The following AP1AR variants were observed in gnomAD, a reference collection of about 807,000 sequenced individuals.
AP1AR encodes adaptor related protein complex 1 associated regulatory protein.
In AP1AR, 29 loss-of-function variants were observed where a neutral mutation model predicts 46.3. The ratio of observed to expected loss-of-function variants is 0.63; its 90% confidence interval spans 0.47 to 0.85. The LOEUF is 0.85. Among genes scored for constraint, AP1AR ranks in the 40% least tolerant of loss-of-function variants. AP1AR has a pLI of 0.00. For synonymous variants in AP1AR, 122 were observed against 122.9 expected (o/e 0.99, Z 0.05); for missense variants, 357 against 356.3 (o/e 1.00, Z -0.02).
intron 1 of AP1AR, among the ~76,000 whole-genome samples, chr4:112,235,059 C>T (rs904219437): frequency 6.6e-6 from 1 of 152,074 alleles, no homozygotes. Context: ...TCAGTGTTGA[C>T]GTATGTTGGA....
chr4:112,267,823 G>A (rs888231408), intron 9 of AP1AR, among the ~76,000 whole-genome samples: 1 of 151,892 alleles, frequency 6.6e-6, no homozygotes, highest in African/African-American at 2.4e-5. Context: ...ATACTAACTT[G>A]GCTATATGAG....
chr4:112,257,820 A>C (rs762754162), intron 4 of AP1AR, 23 bp downstream of exon 4: 5 of 1,544,864 alleles, frequency 3.2e-6, no homozygotes, highest in Non-Finnish European at 4.3e-6. Context: ...TAAAAAAAAA[A>C]AACAAAACTT....
At chr4:112,265,671 T>C (rs1052459694) in intron 7 of AP1AR, 63 bp from the exon 8 acceptor site, 11 of 1,213,010 alleles carry the variant, frequency 9.1e-6, no homozygotes, top group Non-Finnish European at 1.3e-5. Flanking sequence ...ATCATTAGCT[T>C]ATATATTTGT....
chr4:112,240,676 G>A (rs901588795), intron 1 of AP1AR, among the ~76,000 whole-genome samples: 4 of 152,110 alleles, frequency 2.6e-5, no homozygotes, highest in Non-Finnish European at 4.4e-5. Flanking sequence ...CTGCTTGGAG[G>A]CCTGGCTCAT....
intron 4 of AP1AR, 131 bp from the exon 5 acceptor site, chr4:112,260,635 G>T: frequency 1.8e-6 from 1 of 551,658 alleles, no homozygotes; most frequent in South Asian, 3.3e-5. Context: ...AATTGAAGTT[G>T]TAGCAAATTG....
chr4:112,255,768 T>C (rs1267827573), intron 3 of AP1AR, among the ~76,000 whole-genome samples: 1 of 152,262 alleles, frequency 6.6e-6, no homozygotes, highest in Non-Finnish European at 1.5e-5. Context: ...GAGTGCATTT[T>C]AGAATCAGCA....
intron 4 of AP1AR, 44 bp from the exon 5 acceptor site, chr4:112,260,722 A>T: frequency 7.7e-7 from 1 of 1,304,362 alleles, no homozygotes; most frequent in Non-Finnish European, 1.1e-6. Flanking sequence ...GACTCATCAG[A>T]AGTTTTTGTT....
rs150824995 is a variant in AP1AR at position 112,254,281 on chromosome 4, T to G, written c.133-466T>G. Reference sequence around the variant, plus strand: ...ATAGTAACTACCACTTAGTAGATTTTCAGTAAATAACTATATGAATGAATA... The same window carrying G: ...ATAGTAACTACCACTTAGTAGATTTGCAGTAAATAACTATATGAATGAATA... On this transcript the variant is annotated intron_variant, in intron 2 of 9. Coordinates refer to ENST00000274000, the MANE Select transcript of AP1AR (RefSeq NM_018569.6). Among the ~76,000 whole-genome samples the G allele has an allele frequency of 2.4e-3, 358 of 152,336 alleles. 2 individuals are homozygous for G. The highest frequency in any genetic ancestry group is 8.3e-3 in the African/African-American group (344 of 41,584).
intron 6 of AP1AR, among the ~76,000 whole-genome samples, chr4:112,264,658 G>T (rs1676885743): frequency 6.6e-6 from 1 of 151,986 alleles, no homozygotes; most frequent in Non-Finnish European, 1.5e-5. Flanking sequence ...TTCATGTATT[G>T]TTTTAACTAT....
At position 112,268,397 on chromosome 4, in the gene AP1AR, A is replaced by T. The variant is rs374904998; in HGVS notation, c.897A>T (p.Gln299His). Residue 299 changes from glutamine to histidine, a missense_variant, in exon 10 of 10, where the codon CAA becomes CAT. Physicochemically the swap from Gln to His is conservative, Grantham distance 24 (BLOSUM62 0). Coordinates refer to ENST00000274000, the MANE Select transcript of AP1AR (RefSeq NM_018569.6). Reference protein sequence around the residue: ...DSGIRHSDTDQQTR With the variant: ...DSGIRHSDTDHQTR Reference sequence around the variant, plus strand: ...GCATAAGGCATTCTGACACAGATCAACAGACTCGATAGGGTAAAATTGTGT... The same window carrying T: ...GCATAAGGCATTCTGACACAGATCATCAGACTCGATAGGGTAAAATTGTGT... The T allele has an allele frequency of 6.3e-7, 1 of 1,596,546 alleles. No homozygotes were observed. Among genetic ancestry groups the T allele is most frequent in the African/African-American group, 1.3e-5 (1 of 74,478 alleles).
At chr4:112,261,689 G>C (rs962592696) in intron 5 of AP1AR, among the ~76,000 whole-genome samples, 1 of 152,064 alleles carries the variant, frequency 6.6e-6, no homozygotes, top group African/African-American at 2.4e-5. Flanking sequence ...GGTGGTCATA[G>C]TTCCAGCACT....
rs1040972332 is a variant in AP1AR, at chr4:112,268,200, C to T, written c.700C>T (p.Arg234Trp). The change falls in exon 10 of 10, where the codon CGG (arginine) becomes TGG (tryptophan). Residue 234 changes from arginine (R) to tryptophan (W), a missense_variant. By Grantham distance (101) the Arg-to-Trp change is moderately radical. Around this residue, in one of 2 missense-constraint regions of AP1AR, gnomAD observed 88 missense variants for 132.7 expected, o/e 0.66. Transcript: ENST00000274000. ...ERSKTEEDILRAALKYSNKKT... is the reference protein window; with the variant it reads ...ERSKTEEDILWAALKYSNKKT... ...TTCCAAAACAGAGGAAGACATTCTA[C>T]GGGCAGCACTTAAGTATAGCAACAA... The T allele has an allele frequency of 1.1e-5, 17 of 1,606,086 alleles. 1 individual carries two copies. The highest frequency in any genetic ancestry group is 7.8e-5 in the South Asian group (7 of 89,976).
chr4:112,253,649 T>G (rs537732389), intron 2 of AP1AR, among the ~76,000 whole-genome samples: 5 of 152,302 alleles, frequency 3.3e-5, no homozygotes, highest in African/African-American at 1.2e-4. Flanking sequence ...TTTCTTTGAA[T>G]GTAAAATATA....
chr4:112,268,401 A>ACT lies in AP1AR; in HGVS notation c.903_904dup (p.Arg302LeufsTer14). ...AAGGCATTCTGACACAGATCAACAG[A>ACT]CTCGATAGGGTAAAATTGTGTGACC... On this transcript the variant is annotated frameshift_variant, in exon 10 of 10. Coordinates refer to ENST00000274000, the MANE Select transcript of AP1AR (RefSeq NM_018569.6). LOFTEE classifies it high-confidence loss of function. 6.3e-7 allele frequency: 1 copy of ACT among 1,589,874 alleles called. No homozygotes were observed. The highest frequency in any genetic ancestry group is 8.6e-7 in the Non-Finnish European group (1 of 1,167,646).
intron 9 of AP1AR, among the ~76,000 whole-genome samples, chr4:112,267,709 T>G (rs1028380928): frequency 2.6e-5 from 4 of 152,058 alleles, no homozygotes; most frequent in South Asian, 4.1e-4. Context: ...ATATGTCACA[T>G]TAACTGGAAC....
intron 1 of AP1AR, among the ~76,000 whole-genome samples, chr4:112,246,484 C>T (rs1247017849): frequency 2.6e-5 from 4 of 152,250 alleles, no homozygotes; most frequent in East Asian, 3.9e-4. Flanking sequence ...CCAGCCTGGG[C>T]GACAGAGTGA....
Position 112,241,773 on chromosome 4 carries a change from T to G in AP1AR, c.83+9599T>G, listed in dbSNP as rs564452848. On this transcript the variant is annotated intron_variant, in intron 1 of 9. Coordinates refer to ENST00000274000, the MANE Select transcript of AP1AR (RefSeq NM_018569.6). ...GGAAAAATGTGTTGATTTTATCCCT[T>G]AAGATTTGAGTGGTTAAATCTCTAT... is the stretch of plus-strand genomic sequence containing the variant. Among the ~76,000 whole-genome samples, 8 of 152,338 alleles carry G rather than the reference T, an allele frequency of 5.3e-5. No homozygotes were observed. In the East Asian group the frequency reaches 1.5e-3, roughly 29 times the overall value.
rs567524399 is a variant in AP1AR, at chr4:112,254,501, T to A, written c.133-246T>A. Among the ~76,000 whole-genome samples the A allele has an allele frequency of 9.5e-4, 145 of 152,336 alleles. 1 individual carries two copies. Among genetic ancestry groups the A allele is most frequent in the African/African-American group, 3.3e-3 (137 of 41,596 alleles). On this transcript the variant is annotated intron_variant, in intron 2 of 9. Coordinates refer to ENST00000274000, the MANE Select transcript of AP1AR (RefSeq NM_018569.6). ...AGTTCTGATTTATGTAGAAAATTGC[T>A]ATAATTCTCCTGTTTGATTTTCATT...
chr4:112,263,176 C>T, intron 6 of AP1AR, 90 bp downstream of exon 6: 2 of 964,260 alleles, frequency 2.1e-6, no homozygotes, highest in Non-Finnish European at 3.1e-6. Flanking sequence ...TTTTCCTATT[C>T]TCAAGGACTT....
Sources: gnomAD v4.1 joint callset for allele counts (sites outside exome capture counted in the v4.1 genomes callset) on GRCh38, gnomAD v4.1.1 for gene constraint, gnomAD v4.1.1 regional missense constraint, MANE v1.5 for transcripts, NCBI Gene and HGNC (gene_info 2026-07-23, HGNC 2026-07-21) for gene names.